The following PHF14 variants were observed in gnomAD, a reference collection of about 807,000 sequenced individuals.
PHF14 encodes PHD finger protein 14.
Under a neutral mutation model 117.9 loss-of-function variants are expected in PHF14, and 55 were observed. The observed-to-expected ratio is 0.47, with a 90% CI of 0.38 to 0.58. PHF14 has a LOEUF of 0.58. Among genes scored for constraint, PHF14 ranks in the 20% least tolerant of loss-of-function variants. The pLI is 0.00. For synonymous variants in PHF14, 409 were observed against 368.6 expected (o/e 1.11, Z -1.26); for missense variants, 978 against 1,122.2 (o/e 0.87, Z 1.84).
chr7:10,975,707 TATGTG>T lies in PHF14; in HGVS notation c.112+763_112+767del, dbSNP rs1283584788. Among the ~76,000 whole-genome samples the T allele has an allele frequency of 3.9e-5, 6 of 152,304 alleles. No individual in the cohort carries two copies. In the East Asian group the frequency reaches 1.2e-3, roughly 29 times the overall value. ...ACTGATAAACATGAACAATGAAAAT[TATGTG>T]TAATTCCACCTCTTTTGAAAATTTT... is the stretch of plus-strand genomic sequence containing the variant. On this transcript the variant is annotated intron_variant, in intron 2 of 17. Transcript: ENST00000634607.
At chr7:11,026,438 A>C (rs1422374759) in intron 6 of PHF14, among the ~76,000 whole-genome samples, 2 of 152,200 alleles carry the variant, frequency 1.3e-5, no homozygotes, top group Non-Finnish European at 2.9e-5. Flanking sequence ...AGTGGTCTGG[A>C]GCTGAACTTG....
At position 11,066,385 on chromosome 7, in the gene PHF14, G is replaced by T. The variant is rs75450917; in HGVS notation, c.2654+4300G>T. 1.0e-3 allele frequency among the ~76,000 whole-genome samples: 159 copies of T among 152,186 alleles called. 1 individual carries two copies. Among genetic ancestry groups the T allele is most frequent in the African/African-American group, 3.7e-3 (155 of 41,538 alleles). On this transcript the variant is annotated intron_variant, in intron 16 of 17. Coordinates refer to ENST00000634607, the MANE Select transcript of PHF14 (RefSeq NM_001007157.2). Reference sequence around the variant, plus strand: ...AGCAATCCTCTCACCTCAGCCTCCCGAGTAGCTGAGACTTGATTTTTTATT... The same window carrying T: ...AGCAATCCTCTCACCTCAGCCTCCCTAGTAGCTGAGACTTGATTTTTTATT...
chr7:11,065,494 T>C (rs948864931), intron 16 of PHF14, among the ~76,000 whole-genome samples: 1 of 152,154 alleles, frequency 6.6e-6, no homozygotes, highest in African/African-American at 2.4e-5. Flanking sequence ...AAACTGTCAC[T>C]ATTATAATTT....
intron 5 of PHF14, among the ~76,000 whole-genome samples, chr7:11,016,486 C>A (rs1030252093): frequency 2.1e-4 from 32 of 152,020 alleles, no homozygotes; most frequent in African/African-American, 7.5e-4. Flanking sequence ...TGTAAGAAAA[C>A]CAGTACATTC....
At chr7:11,045,016 A>G (rs1784620197) in intron 13 of PHF14, among the ~76,000 whole-genome samples, 1 of 152,142 alleles carries the variant, frequency 6.6e-6, no homozygotes, top group African/African-American at 2.4e-5. Context: ...GGATTTTTGG[A>G]TTTGGGATGC....
At chr7:11,089,227 AAAC>A (rs1375260740) in intron 16 of PHF14, among the ~76,000 whole-genome samples, 1 of 152,224 alleles carries the variant, frequency 6.6e-6, no homozygotes, top group Non-Finnish European at 1.5e-5. Flanking sequence ...CTCTTCCTCA[AAAC>A]AACATTAAAG....
intron 2 of PHF14, among the ~76,000 whole-genome samples, chr7:10,980,197 C>G (rs1782003884): frequency 6.6e-6 from 1 of 152,146 alleles, no homozygotes; most frequent in African/African-American, 2.4e-5. Context: ...CCCAGTTAAT[C>G]TTACTTTTGC....
intron 2 of PHF14, among the ~76,000 whole-genome samples, chr7:10,975,235 G>A (rs1781820244): frequency 6.6e-6 from 1 of 152,176 alleles, no homozygotes; most frequent in African/African-American, 2.4e-5. Context: ...TATTATAGAG[G>A]AAAAAACTGA....
intron 5 of PHF14, among the ~76,000 whole-genome samples, chr7:11,014,260 C>G (rs1166347546): frequency 1.3e-5 from 2 of 152,016 alleles, no homozygotes; most frequent in Admixed American, 1.3e-4. Context: ...AATTTTGAAC[C>G]TAGATCTGTA....
intron 4 of PHF14, among the ~76,000 whole-genome samples, chr7:11,001,897 T>C (rs994872968): frequency 6.6e-6 from 1 of 152,196 alleles, no homozygotes. Flanking sequence ...AAAGCAGTAC[T>C]GACAGAGAAC....
At chr7:11,104,457 A>C in intron 16 of PHF14, 1 of 972,902 alleles carries the variant, frequency 1.0e-6, no homozygotes, top group Non-Finnish European at 1.2e-6. Flanking sequence ...TCCAACTACT[A>C]TAAGGAGAAA....
intron 17 of PHF14, among the ~76,000 whole-genome samples, chr7:11,158,639 A>T (rs549470615): frequency 4.7e-4 from 71 of 152,192 alleles, no homozygotes; most frequent in Non-Finnish European, 9.6e-4. Flanking sequence ...GAAGAAACTG[A>T]TTTCATATTT....
chr7:11,007,513 A>T (rs1418237315), intron 4 of PHF14, among the ~76,000 whole-genome samples: 2 of 152,178 alleles, frequency 1.3e-5, no homozygotes, highest in Non-Finnish European at 2.9e-5. Flanking sequence ...TAAAAGTGTA[A>T]TAAGTAGCTA....
chr7:11,024,759 A>G (rs552753148), intron 6 of PHF14, among the ~76,000 whole-genome samples: 51 of 152,344 alleles, frequency 3.3e-4, no homozygotes, highest in Non-Finnish European at 7.2e-4. Flanking sequence ...GCTTATCGAC[A>G]GTGCACCTGG....
chr7:11,013,319 G>A (rs1562419851), intron 4 of PHF14, among the ~76,000 whole-genome samples: 1 of 151,910 alleles, frequency 6.6e-6, no homozygotes, highest in Non-Finnish European at 1.5e-5. Flanking sequence ...CTGCCACCAC[G>A]CCTGGATAAT....
At chr7:11,008,895 G>T (rs1583359780) in intron 4 of PHF14, among the ~76,000 whole-genome samples, 1 of 151,876 alleles carries the variant, frequency 6.6e-6, no homozygotes, top group Admixed American at 6.6e-5. Context: ...AATTAGCCGG[G>T]CATGGTGGTG....
At chr7:11,110,510 CTTCA>C (rs1787410455) in intron 16 of PHF14, 1 of 978,810 alleles carries the variant, frequency 1.0e-6, no homozygotes, top group East Asian at 1.1e-4. Context: ...ACAGATTTTT[CTTCA>C]TTGTCAGCAG....
At chr7:11,113,666 G>T (rs770730432) in intron 17 of PHF14, among the ~76,000 whole-genome samples, 1 of 152,052 alleles carries the variant, frequency 6.6e-6, no homozygotes, top group African/African-American at 2.4e-5. Flanking sequence ...AACTTCCGGA[G>T]ACTTAATTGA....
chr7:11,038,823 A>G lies in PHF14; in HGVS notation c.2044A>G (p.Ile682Val). The G allele has an allele frequency of 6.3e-7, 1 of 1,589,260 alleles. No homozygotes were observed. Among genetic ancestry groups the G allele is most frequent in the Non-Finnish European group, 8.6e-7 (1 of 1,164,686 alleles). Residue 682 changes from isoleucine (I) to valine (V), a missense_variant, in exon 11 of 18, where the codon ATA becomes GTA. Physicochemically the swap from Ile to Val is conservative, Grantham distance 29 (BLOSUM62 3). Coordinates refer to ENST00000634607, the MANE Select transcript of PHF14 (RefSeq NM_001007157.2). ...AAAACTTCGAAGTGAAGGACAAGGA[A>G]TATGGGCTTTACTAGGCAGAATCAC... ...NGKLRSEGQG[I>V]WALLGRITGQ...
Sources: gnomAD v4.1 joint callset for allele counts (sites outside exome capture counted in the v4.1 genomes callset) on GRCh38, gnomAD v4.1.1 for gene constraint, MANE v1.5 for transcripts, NCBI Gene and HGNC (gene_info 2026-07-23, HGNC 2026-07-21) for gene names.